CPA6: variants seen among roughly 807,000 people sequenced by gnomAD.
CPA6 encodes the protein carboxypeptidase B.
In CPA6, 58 loss-of-function variants were observed where a neutral mutation model predicts 63.3. The ratio of observed to expected loss-of-function variants is 0.92; its 90% confidence interval spans 0.74 to 1.14. The LOEUF (loss-of-function observed/expected upper bound fraction) is 1.14, where lower values mean the gene tolerates loss of function less well. Among genes scored for constraint, CPA6 ranks in the 50% most tolerant of loss-of-function variants. The pLI, the probability that CPA6 is intolerant of heterozygous loss-of-function variation, is 0.00. For missense variants in CPA6, 565 were observed against 526.6 expected (o/e 1.07, Z -0.71); for synonymous variants, 185 against 179.0 (o/e 1.03, Z -0.27).
At chr8:67,559,806 C>G (rs1813158555) in intron 2 of CPA6, among the ~76,000 whole-genome samples, 2 of 151,416 alleles carry the variant, frequency 1.3e-5, no homozygotes, top group South Asian at 4.2e-4. Context: ...GCCTCATAAA[C>G]AGGATTCTAT....
At chr8:67,551,683 A>G (rs1812942173) in intron 2 of CPA6, among the ~76,000 whole-genome samples, 1 of 152,124 alleles carries the variant, frequency 6.6e-6, no homozygotes, top group Admixed American at 6.5e-5. Flanking sequence ...TGTTTATATC[A>G]TCTATGATTT....
At chr8:67,700,350 C>G (rs1385068936) in intron 1 of CPA6, among the ~76,000 whole-genome samples, 1 of 152,200 alleles carries the variant, frequency 6.6e-6, no homozygotes, top group Non-Finnish European at 1.5e-5. Flanking sequence ...GTAACTGACC[C>G]CAAACTGTAT....
chr8:67,654,015 T>G (rs1587673796), intron 1 of CPA6, among the ~76,000 whole-genome samples: 1 of 152,076 alleles, frequency 6.6e-6, no homozygotes, highest in Admixed American at 6.5e-5. Context: ...GGTTTTTGTC[T>G]TTGGTTCTGT....
intron 7 of CPA6, 38 bp from the exon 8 acceptor site, chr8:67,483,896 C>T (rs774102553): frequency 2.2e-5 from 34 of 1,511,176 alleles, no homozygotes; most frequent in Non-Finnish European, 3.1e-5. Flanking sequence ...GAGAAAAATA[C>T]TTAAAAGGTT....
At chr8:67,546,966 AG>A (rs1812830332) in intron 2 of CPA6, among the ~76,000 whole-genome samples, 1 of 152,184 alleles carries the variant, frequency 6.6e-6, no homozygotes, top group Non-Finnish European at 1.5e-5. Flanking sequence ...CTGGAACTAC[AG>A]GTGTGAGCCA....
At chr8:67,691,670 T>C (rs898048176) in intron 1 of CPA6, among the ~76,000 whole-genome samples, 1 of 152,232 alleles carries the variant, frequency 6.6e-6, no homozygotes, top group Admixed American at 6.5e-5. Flanking sequence ...AAATTCAAGA[T>C]GTAAATATCT....
chr8:67,500,081 A>C (rs990170868), intron 6 of CPA6, among the ~76,000 whole-genome samples: 1 of 152,224 alleles, frequency 6.6e-6, no homozygotes, highest in Non-Finnish European at 1.5e-5. Context: ...ACTGTTTTCA[A>C]GAATAGCTCT....
intron 8 of CPA6, among the ~76,000 whole-genome samples, chr8:67,471,702 A>ATATCATCAT: frequency 6.6e-6 from 1 of 152,340 alleles, no homozygotes; most frequent in Middle Eastern, 3.4e-3. Context: ...GATAAAAAGA[A>ATATCATCAT]TATCATCATT....
intron 2 of CPA6, among the ~76,000 whole-genome samples, chr8:67,606,986 A>G (rs1814653716): frequency 6.6e-6 from 1 of 152,172 alleles, no homozygotes; most frequent in South Asian, 2.1e-4. Flanking sequence ...CGCAGAAACT[A>G]TATGGGCTTC....
chr8:67,712,154 G>A (rs1334286870), intron 1 of CPA6, among the ~76,000 whole-genome samples: 1 of 152,186 alleles, frequency 6.6e-6, no homozygotes, highest in Non-Finnish European at 1.5e-5. Flanking sequence ...CATGGCCAAA[G>A]CGGGACACAG....
chr8:67,607,098 C>T (rs1398285602), intron 2 of CPA6, among the ~76,000 whole-genome samples: 1 of 149,568 alleles, frequency 6.7e-6, no homozygotes, highest in Non-Finnish European at 1.5e-5. Flanking sequence ...TCTTCTTCTT[C>T]TTCTTCTTTC....
Position 67,457,996 on chromosome 8 carries a change from T to C in CPA6, c.839-23756A>G, listed in dbSNP as rs73693815. 6.3e-3 allele frequency among the ~76,000 whole-genome samples: 954 copies of C among 152,290 alleles called. 10 individuals are homozygous for C. The highest frequency in any genetic ancestry group is 0.022 in the African/African-American group (908 of 41,558). On this transcript the variant is annotated intron_variant, in intron 8 of 10. Coordinates refer to ENST00000297770, the MANE Select transcript of CPA6 (RefSeq NM_020361.5). ...AAAAGCTACTTGTCAGGCAATACAATGGAGCAAAGGTAGTCTTTTTTACAA... is the reference window on the plus strand; with the variant it reads ...AAAAGCTACTTGTCAGGCAATACAACGGAGCAAAGGTAGTCTTTTTTACAA...
chr8:67,693,069 C>CACACAGATACTG (rs1197612329), intron 1 of CPA6, among the ~76,000 whole-genome samples: 4 of 152,146 alleles, frequency 2.6e-5, no homozygotes, highest in African/African-American at 9.7e-5. Context: ...GTTATTAAGG[C>CACACAGATACTG]TGATGACTGC....
At chr8:67,728,091 A>C (rs1306536231) in intron 1 of CPA6, among the ~76,000 whole-genome samples, 7 of 145,246 alleles carry the variant, frequency 4.8e-5, no homozygotes, top group South Asian at 4.2e-4. Flanking sequence ...AAAAAAAAAA[A>C]CAAAAAAAAC....
chr8:67,547,234 T>C (rs1199709731), intron 2 of CPA6, among the ~76,000 whole-genome samples: 1 of 151,918 alleles, frequency 6.6e-6, no homozygotes, highest in East Asian at 1.9e-4. Flanking sequence ...TTTTAGTAGA[T>C]ACAGGGTTTC....
intron 1 of CPA6, among the ~76,000 whole-genome samples, chr8:67,659,748 C>A (rs931991862): frequency 6.6e-6 from 1 of 152,166 alleles, no homozygotes; most frequent in Non-Finnish European, 1.5e-5. Context: ...CTTTACATTC[C>A]CCAAAGTGTC....
At chr8:67,673,148 C>T (rs973461528) in intron 1 of CPA6, among the ~76,000 whole-genome samples, 5 of 152,068 alleles carry the variant, frequency 3.3e-5, no homozygotes, top group Non-Finnish European at 7.4e-5. Context: ...AGAGATCCCA[C>T]GCTAGGTCTA....
chr8:67,743,167 C>T (rs1022837783), intron 1 of CPA6, among the ~76,000 whole-genome samples: 2 of 152,124 alleles, frequency 1.3e-5, no homozygotes, highest in African/African-American at 2.4e-5. Flanking sequence ...TAAATATAAT[C>T]GAAGTCGTTA....
chr8:67,592,258 G>A (rs1299031501), intron 2 of CPA6, among the ~76,000 whole-genome samples: 1 of 152,170 alleles, frequency 6.6e-6, no homozygotes, highest in East Asian at 1.9e-4. Context: ...TGGTGGATAA[G>A]CTTTTTGATG....
Sources: allele counts gnomAD v4.1 joint callset (sites outside exome capture counted in the v4.1 genomes callset), GRCh38; gene constraint gnomAD v4.1.1; transcripts MANE v1.5; gene names NCBI Gene and HGNC (gene_info 2026-07-23, HGNC 2026-07-21).